The following EPDR1 variants were observed in gnomAD, a reference collection of about 807,000 sequenced individuals.
The protein encoded by EPDR1 is ependymin related 1.
EPDR1 carries 27 observed loss-of-function variants against 23.7 expected under a neutral mutation model. The observed-to-expected ratio is 1.14, with a 90% CI of 0.84 to 1.57. EPDR1 has a LOEUF of 1.57. Among genes scored for constraint, EPDR1 ranks in the 40% most tolerant of loss-of-function variants. EPDR1 has a pLI of 0.00. For synonymous variants in EPDR1, 137 were observed against 118.2 expected (o/e 1.16, Z -1.03); for missense variants, 349 against 290.4 (o/e 1.20, Z -1.47).
Position 37,950,577 on chromosome 7 carries a change from G to A in EPDR1, c.*181G>A. The A allele has an allele frequency of 1.6e-6, 1 of 638,694 alleles. No individual in the cohort carries two copies. Among genetic ancestry groups the A allele is most frequent in the South Asian group, 2.2e-5 (1 of 44,586 alleles). The allele number at this position is 638,694 out of a possible 1,614,324, so 39.6% of individuals were successfully genotyped here. On this transcript the variant is annotated 3_prime_UTR_variant, in exon 3 of 3. Transcript: ENST00000199448. ...GACTACTCAAGCTCTGTTTACAGAA[G>A]AAAATTGAATGGCGAGGGTGTGGCC... is the stretch of plus-strand genomic sequence containing the variant.
intron 1 of EPDR1, among the ~76,000 whole-genome samples, chr7:37,936,309 A>G (rs1285381180): frequency 6.6e-6 from 1 of 151,994 alleles, no homozygotes; most frequent in Admixed American, 6.6e-5. Context: ...TCATAATACA[A>G]TGGATTCAGT....
intron 1 of EPDR1, among the ~76,000 whole-genome samples, chr7:37,934,246 G>A (rs888455289): frequency 6.6e-6 from 1 of 152,276 alleles, no homozygotes; most frequent in African/African-American, 2.4e-5. Context: ...AAAGTGCTGG[G>A]ATTACAGGCG....
At chr7:37,935,006 C>G (rs1786020125) in intron 1 of EPDR1, among the ~76,000 whole-genome samples, 1 of 151,976 alleles carries the variant, frequency 6.6e-6, no homozygotes, top group South Asian at 2.1e-4. Context: ...AGTGTAACCA[C>G]TATTTATATA....
At chr7:37,921,391 G>A in intron 1 of EPDR1, 183 bp downstream of exon 1, 2 of 1,391,112 alleles carry the variant, frequency 1.4e-6, no homozygotes, top group Non-Finnish European at 1.9e-6. Flanking sequence ...GAGGGGCGCT[G>A]CGCCCACCGA....
intron 1 of EPDR1, among the ~76,000 whole-genome samples, chr7:37,931,518 T>C (rs528248282): frequency 6.8e-6 from 1 of 147,132 alleles, no homozygotes; most frequent in Non-Finnish European, 1.5e-5. Flanking sequence ...CATAAAAAAA[T>C]AAATAAATAA....
rs148611394 is a variant in EPDR1 at position 37,938,084 on chromosome 7, G to A, written c.270-10756G>A. 6.0e-3 allele frequency among the ~76,000 whole-genome samples: 862 copies of A among 143,856 alleles called. 8 individuals are homozygous for A. Among genetic ancestry groups the A allele is most frequent in the African/African-American group, 0.021 (788 of 37,888 alleles). The allele number at this position is 143,856 out of a possible 152,430, so 94.4% of individuals were successfully genotyped here. A position where few individuals can be genotyped will look rare whatever the true frequency, so the allele number is the denominator to read the frequency against. On this transcript the variant is annotated intron_variant, in intron 1 of 2. Transcript: ENST00000199448. The stretch of plus-strand genomic sequence containing the variant: ...CAGCTCACTGCAAACTCTGCTTCCC[G>A]GGTTCATGCCATTCTCTTGCCTCAG...
intron 1 of EPDR1, among the ~76,000 whole-genome samples, chr7:37,935,374 A>T (rs937587667): frequency 6.6e-6 from 1 of 152,206 alleles, no homozygotes; most frequent in African/African-American, 2.4e-5. Flanking sequence ...GTACATGTAA[A>T]ATGATTTGTT....
intron 1 of EPDR1, among the ~76,000 whole-genome samples, chr7:37,936,027 T>TATACACACAC: frequency 9.2e-6 from 1 of 108,294 alleles, no homozygotes; most frequent in African/African-American, 3.7e-5. Flanking sequence ...TATATATATA[T>TATACACACAC]ATATATATAT....
At chr7:37,948,690 G>T (rs1786332592) in intron 1 of EPDR1, 150 bp from the exon 2 acceptor site, 1 of 625,040 alleles carries the variant, frequency 1.6e-6, no homozygotes, top group Non-Finnish European at 2.8e-6. Context: ...GTTGTTTCAT[G>T]TGCCTAGTGT....
Position 37,949,021 on chromosome 7 carries a change from T to A in EPDR1, c.451T>A (p.Trp151Arg). 3 of 1,613,948 alleles carry A rather than the reference T, an allele frequency of 1.9e-6. No individual in the cohort carries two copies. The highest frequency in any genetic ancestry group is 2.5e-6 in the Non-Finnish European group (3 of 1,180,000). The change falls in exon 2 of 3, where the codon TGG (tryptophan) becomes AGG (arginine). Residue 151 changes from tryptophan (W) to arginine (R), a missense_variant. Transcript: ENST00000199448. ...GPQEQITVQE[W>R]SDRKSARSYE... is the part of the protein sequence containing the mutation. ...TCAGGAGCAGATCACCGTCCAGGAG[T>A]GGTCGGACAGAAAGTCAGCTAGATC...
Position 37,921,129 on chromosome 7 carries a change from CG to C in EPDR1, c.191del (p.Arg64ProfsTer22). The C allele has an allele frequency of 6.3e-7, 1 of 1,595,564 alleles. No homozygotes were observed. Among genetic ancestry groups the C allele is most frequent in the Non-Finnish European group, 8.5e-7 (1 of 1,178,482 alleles). On this transcript the variant is annotated frameshift_variant, in exon 1 of 3. Coordinates refer to ENST00000199448, the MANE Select transcript of EPDR1 (RefSeq NM_017549.5). LOFTEE classifies it high-confidence loss of function. ...MYQQSSGRNS[R>X]ALLSYDGLNQ... ...CCAGCAAAGTAGCGGGCGCAACAGC[CG>C]CGCCCTGCTCTCCTACGACGGGCTC...
intron 1 of EPDR1, among the ~76,000 whole-genome samples, chr7:37,943,427 T>A (rs1786209459): frequency 6.6e-6 from 1 of 152,216 alleles, no homozygotes; most frequent in African/African-American, 2.4e-5. Context: ...CATTTTGACC[T>A]TTGGTCCCTG....
chr7:37,944,321 G>A (rs1786230014), intron 1 of EPDR1, among the ~76,000 whole-genome samples: 1 of 152,186 alleles, frequency 6.6e-6, no homozygotes, highest in Non-Finnish European at 1.5e-5. Context: ...CCACATAAGA[G>A]GCTGACTATT....
intron 1 of EPDR1, among the ~76,000 whole-genome samples, chr7:37,935,352 C>A (rs1309179944): frequency 1.3e-5 from 2 of 152,142 alleles, no homozygotes; most frequent in African/African-American, 4.8e-5. Context: ...CGTAGTAGAG[C>A]AATTCATATG....
Position 37,949,062 on chromosome 7 carries a change from G to A in EPDR1, c.478+14G>A. On this transcript the variant is annotated intron_variant, in intron 2 of 2. Coordinates refer to ENST00000199448, the MANE Select transcript of EPDR1 (RefSeq NM_017549.5). The stretch of plus-strand genomic sequence containing the variant: ...CAGCTAGATCCTGTAAGGGTTCAAA[G>A]AATCTAAGCATTGTATTCAGCATGC... 1 of 1,611,904 alleles carries A rather than the reference G, an allele frequency of 6.2e-7. No individual in the cohort carries two copies. Among genetic ancestry groups the A allele is most frequent in the Non-Finnish European group, 8.5e-7 (1 of 1,177,996 alleles).
chr7:37,934,629 A>T (rs1160656294), intron 1 of EPDR1, among the ~76,000 whole-genome samples: 1 of 152,138 alleles, frequency 6.6e-6, no homozygotes, highest in Non-Finnish European at 1.5e-5. Flanking sequence ...CACCAACTAC[A>T]GATGGAAAAT....
At chr7:37,937,985 A>ATTTTTTTTTTTTTTTTTTTTGTTTT (rs1786089253) in intron 1 of EPDR1, among the ~76,000 whole-genome samples, 1 of 72,424 alleles carries the variant, frequency 1.4e-5, no homozygotes, top group Non-Finnish European at 2.7e-5. Context: ...TGCCCTTTAA[A>ATTTTTTTTTTTTTTTTTTTTGTTTT]TTTTTTTTTT....
intron 1 of EPDR1, among the ~76,000 whole-genome samples, chr7:37,936,153 T>TAA (rs34197803): frequency 2.0e-5 from 3 of 149,050 alleles, no homozygotes; most frequent in South Asian, 4.3e-4. Context: ...AACAGCACAT[T>TAA]AAAAAAATAC....
intron 1 of EPDR1, among the ~76,000 whole-genome samples, chr7:37,943,344 C>T (rs1287047088): frequency 1.3e-5 from 2 of 152,188 alleles, no homozygotes; most frequent in African/African-American, 2.4e-5. Context: ...GTCTGTTAAT[C>T]CCTTGGGTCC....
Sources: allele counts gnomAD v4.1 joint callset (sites outside exome capture counted in the v4.1 genomes callset), GRCh38; gene constraint gnomAD v4.1.1; transcripts MANE v1.5; gene names NCBI Gene and HGNC (gene_info 2026-07-23, HGNC 2026-07-21).